CCDC88C: variants seen among roughly 807,000 people sequenced by gnomAD.
CCDC88C encodes coiled-coil and HOOK domain protein 88C.
A neutral mutation model predicts 198.8 loss-of-function variants in CCDC88C; 131 were observed. The observed-to-expected ratio is 0.66, with a 90% CI of 0.57 to 0.76. CCDC88C has a LOEUF of 0.76. CCDC88C is among the 30% of genes least tolerant of loss of function. The probability of loss-of-function intolerance (pLI) is 0.00; values close to 1 mark genes in which losing one functional copy is unlikely to be tolerated. For synonymous variants in CCDC88C, 1,166 were observed against 1,114.7 expected, an observed-to-expected ratio of 1.05 and a Z score of -0.92; for missense variants, 2,553 against 2,631.6, an observed-to-expected ratio of 0.97 and a Z score of 0.65.
chr14:91,333,893 C>A (rs1892939276), intron 10 of CCDC88C, among the ~76,000 whole-genome samples: 1 of 152,234 alleles, frequency 6.6e-6, no homozygotes, highest in Admixed American at 6.5e-5. Context: ...CAGCTTTAAA[C>A]TGATCAGTAT....
rs755577723 is a variant in CCDC88C, at chr14:91,305,755, C to A, written c.3357+10G>T. ...GGCTTGTGACCACTGGTGTTGGGAGCCCCGCTCACCTGCAGCTTGGCGGTC... is the reference window on the plus strand; with the variant it reads ...GGCTTGTGACCACTGGTGTTGGGAGACCCGCTCACCTGCAGCTTGGCGGTC... On this transcript the variant is annotated intron_variant, in intron 19 of 29. Coordinates refer to ENST00000389857, the MANE Select transcript of CCDC88C (RefSeq NM_001080414.4). 5.6e-6 allele frequency: 9 copies of A among 1,594,056 alleles called. No individual in the cohort carries two copies. The highest frequency in any genetic ancestry group is 7.7e-6 in the Non-Finnish European group (9 of 1,163,638).
chr14:91,334,238 A>G (rs1488534559), intron 10 of CCDC88C, among the ~76,000 whole-genome samples: 3 of 152,134 alleles, frequency 2.0e-5, no homozygotes, highest in South Asian at 2.1e-4. Flanking sequence ...GTCAACCTCA[A>G]TTCACGGATG....
At chr14:91,289,829 G>A (rs1356292977) in intron 24 of CCDC88C, among the ~76,000 whole-genome samples, 1 of 152,072 alleles carries the variant, frequency 6.6e-6, no homozygotes. Context: ...ACATCACAGC[G>A]AGCTGGACAC....
chr14:91,272,473 T>G lies in CCDC88C; in HGVS notation c.*152A>C. On this transcript the variant is annotated 3_prime_UTR_variant, in exon 30 of 30. Coordinates refer to ENST00000389857, the MANE Select transcript of CCDC88C (RefSeq NM_001080414.4). The stretch of plus-strand genomic sequence containing the variant: ...ATCCTCTTGGGGCTTGGCACAGTGT[T>G]TCCATTCACAGAACAAACAGCAGAA... 1.3e-6 allele frequency: 1 copy of G among 773,712 alleles called. No homozygotes were observed. The highest frequency in any genetic ancestry group is 2.0e-6 in the Non-Finnish European group (1 of 488,064). The allele number at this position is 773,712 out of a possible 1,614,324, so 47.9% of individuals were successfully genotyped here. A position where few individuals can be genotyped will look rare whatever the true frequency, so the allele number is the denominator to read the frequency against.
rs185401166 is a variant in CCDC88C at position 91,313,750 on chromosome 14, G to C, written c.2066C>G (p.Ser689Cys). 279 of 1,608,318 alleles carry C rather than the reference G, an allele frequency of 1.7e-4. 1 individual carries two copies. The African/African-American group carries it at 3.3e-3, about 19-fold the overall frequency. Residue 689 changes from serine to cysteine, a missense_variant, in exon 15 of 30, where the codon TCC becomes TGC. Coordinates refer to ENST00000389857, the MANE Select transcript of CCDC88C (RefSeq NM_001080414.4). The surrounding 1 kb of genome is among the most constrained non-coding windows in gnomAD (Gnocchi z 5.2). Reference sequence around the variant, plus strand: ...ACGCTCCAGGCCCTCAAGCTGCAGGGACACGTTCTGCAAGGTGTCCAGAGA... The same window carrying C: ...ACGCTCCAGGCCCTCAAGCTGCAGGCACACGTTCTGCAAGGTGTCCAGAGA... ...RKSLDTLQNV[S>C]LQLEGLERDN... is the part of the protein sequence containing the mutation.
intron 2 of CCDC88C, 98 bp downstream of exon 2, chr14:91,416,640 C>T: frequency 1.2e-6 from 1 of 868,928 alleles, no homozygotes; most frequent in South Asian, 1.4e-5. Flanking sequence ...CTACCCCCCA[C>T]CCCACACACA....
chr14:91,294,329 G>A lies in CCDC88C; in HGVS notation c.3967-11C>T. 4 of 1,613,394 alleles carry A rather than the reference G, an allele frequency of 2.5e-6. No homozygotes were observed. The highest frequency in any genetic ancestry group is 3.4e-6 in the Non-Finnish European group (4 of 1,179,672). ...GAGACGGGAGAGCAGCTAGAACACA[G>A]ACCAACAGCGTCTCAGACACCATGT... On this transcript the variant is annotated splice_polypyrimidine_tract_variant and intron_variant, in intron 22 of 29. Coordinates refer to ENST00000389857, the MANE Select transcript of CCDC88C (RefSeq NM_001080414.4).
rs1450264939 is a variant in CCDC88C at position 91,359,724 on chromosome 14, A to AG, written c.271-14dup. Reference sequence around the variant, plus strand: ...GCTGGAGAACTTCCTGCAGAAACAAAGGGGGAAAAGATACCATTAAGAACC... The same window carrying AG: ...GCTGGAGAACTTCCTGCAGAAACAAAGGGGGGAAAAGATACCATTAAGAACC... On this transcript the variant is annotated splice_polypyrimidine_tract_variant and intron_variant, in intron 3 of 29. Transcript: ENST00000389857. 4.4e-6 allele frequency: 7 copies of AG among 1,604,602 alleles called. No individual in the cohort carries two copies. Among genetic ancestry groups the AG allele is most frequent in the African/African-American group, 1.3e-5 (1 of 74,892 alleles).
chr14:91,405,621 A>C (rs1279199689), intron 3 of CCDC88C, among the ~76,000 whole-genome samples: 1 of 152,232 alleles, frequency 6.6e-6, no homozygotes, highest in Admixed American at 6.5e-5. Flanking sequence ...TATTCACTCA[A>C]GAACTGAAAG....
Position 91,343,582 on chromosome 14 carries a change from C to T in CCDC88C, c.399+17G>A, listed in dbSNP as rs1192497162. The T allele has an allele frequency of 2.5e-6, 4 of 1,613,428 alleles. No individual in the cohort carries two copies. The African/African-American group carries it at 5.3e-5, about 22-fold the overall frequency. ...GCTGGGGTAGGTCCCTCTGCTGCAG[C>T]CCTGCCCAATCCCTACCTGGACAGC... On this transcript the variant is annotated intron_variant, in intron 5 of 29. Transcript: ENST00000389857.
At chr14:91,414,080 C>A (rs1427979161) in intron 2 of CCDC88C, among the ~76,000 whole-genome samples, 1 of 152,136 alleles carries the variant, frequency 6.6e-6, no homozygotes, top group African/African-American at 2.4e-5. Flanking sequence ...TTGCCCTAGA[C>A]CTCATTGGTA....
At chr14:91,343,801 T>G in intron 4 of CCDC88C, 144 bp from the exon 5 acceptor site, 4 of 909,438 alleles carry the variant, frequency 4.4e-6, no homozygotes, top group East Asian at 2.7e-5. Context: ...TCCATCGATC[T>G]TCCATGTGTG....
At chr14:91,332,616 G>A (rs559561013) in intron 10 of CCDC88C, among the ~76,000 whole-genome samples, 186 of 152,266 alleles carry the variant, frequency 1.2e-3, no homozygotes, top group African/African-American at 4.2e-3. Context: ...CTGTCTGGGC[G>A]GACCTGGCCA....
chr14:91,283,328 C>A lies in CCDC88C; in HGVS notation c.4630+1G>T. On this transcript the variant is annotated splice_donor_variant, in intron 26 of 29. Coordinates refer to ENST00000389857, the MANE Select transcript of CCDC88C (RefSeq NM_001080414.4). LOFTEE classifies it high-confidence loss of function. ...TGGCTCTGGAAGGGCCTGTGACTCA[C>A]CTTTGGTGCGGCCTGGGTGCCGGGC... is the stretch of plus-strand genomic sequence containing the variant. 6.2e-7 allele frequency: 1 copy of A among 1,612,752 alleles called. No individual in the cohort carries two copies. Among genetic ancestry groups the A allele is most frequent in the Admixed American group, 1.7e-5 (1 of 59,886 alleles).
chr14:91,318,790 T>A (rs1892218759), intron 13 of CCDC88C, among the ~76,000 whole-genome samples: 1 of 152,044 alleles, frequency 6.6e-6, no homozygotes, highest in South Asian at 2.1e-4. Flanking sequence ...TGGTGGCACA[T>A]GCCTGTAATC....
intron 3 of CCDC88C, among the ~76,000 whole-genome samples, 191 bp from the exon 4 acceptor site, chr14:91,359,902 TTC>T (rs1267825055): frequency 6.6e-6 from 1 of 152,178 alleles, no homozygotes; most frequent in Non-Finnish European, 1.5e-5. Context: ...CTAACTGTAT[TTC>T]TGTCTTGATT....
Position 91,289,393 on chromosome 14 carries a change from C to CA in CCDC88C, c.4203-51dup, listed in dbSNP as rs772456028. Reference sequence around the variant, plus strand: ...CATAGCCAGCCCTCCCACACACCCCCAGTGGGTCCCTGGTTCCCTAACATG... The same window carrying CA: ...CATAGCCAGCCCTCCCACACACCCCCAAGTGGGTCCCTGGTTCCCTAACATG... On this transcript the variant is annotated intron_variant, in intron 24 of 29. Coordinates refer to ENST00000389857, the MANE Select transcript of CCDC88C (RefSeq NM_001080414.4). The CA allele has an allele frequency of 2.7e-6, 4 of 1,492,696 alleles. No homozygotes were observed. The East Asian group carries it at 9.0e-5, about 34-fold the overall frequency. The allele number at this position is 1,492,696 out of a possible 1,614,324, so 92.5% of individuals were successfully genotyped here.
At chr14:91,311,301 C>T (rs1891812407) in intron 15 of CCDC88C, among the ~76,000 whole-genome samples, 1 of 152,218 alleles carries the variant, frequency 6.6e-6, no homozygotes, top group African/African-American at 2.4e-5. Flanking sequence ...GGATCTCTCC[C>T]CCACAGCACA....
At chr14:91,383,784 G>A (rs1308947970) in intron 3 of CCDC88C, among the ~76,000 whole-genome samples, 1 of 152,162 alleles carries the variant, frequency 6.6e-6, no homozygotes, top group African/African-American at 2.4e-5. Context: ...GACAGGGAGG[G>A]GTCTCCAATG....
Sources: allele counts gnomAD v4.1 joint callset (sites outside exome capture counted in the v4.1 genomes callset), GRCh38; gene constraint gnomAD v4.1.1; non-coding constraint Gnocchi (gnomAD v3.1); transcripts MANE v1.5; gene names NCBI Gene and HGNC (gene_info 2026-07-23, HGNC 2026-07-21).